The following PPP1R9A variants were observed in gnomAD, a reference collection of about 807,000 sequenced individuals.
The protein encoded by PPP1R9A is neurabin-1.
A neutral mutation model predicts 141.9 loss-of-function variants in PPP1R9A; 59 were observed. That is an observed-to-expected ratio of 0.42 (90% CI 0.34 to 0.52). The LOEUF is 0.52. Among genes scored for constraint, PPP1R9A ranks in the 20% least tolerant of loss-of-function variants. The probability of loss-of-function intolerance (pLI) is 0.10; values close to 1 mark genes in which losing one functional copy is unlikely to be tolerated. For missense variants in PPP1R9A, 1,444 were observed against 1,611.9 expected (o/e 0.90, Z 1.78); for synonymous variants, 500 against 569.7 (o/e 0.88, Z 1.74).
intron 4 of PPP1R9A, among the ~76,000 whole-genome samples, chr7:95,138,613 A>AAT (rs1449306271): frequency 6.6e-6 from 1 of 152,226 alleles, no homozygotes; most frequent in African/African-American, 2.4e-5. Context: ...AATATTTTCA[A>AAT]ATATATATAA....
intron 2 of PPP1R9A, among the ~76,000 whole-genome samples, chr7:94,982,131 A>G (rs558291050): frequency 1.3e-5 from 2 of 152,104 alleles, no homozygotes; most frequent in Non-Finnish European, 2.9e-5. Context: ...AGCTTCATCC[A>G]TGTCCCTACA....
Position 95,087,534 on chromosome 7 carries a change from A to G in PPP1R9A, c.1396-23725A>G, listed in dbSNP as rs557000963. Among the ~76,000 whole-genome samples the G allele has an allele frequency of 5.3e-5, 8 of 152,160 alleles. No homozygotes were observed. In the South Asian group the frequency reaches 1.7e-3, roughly 31 times the overall value. ...ATGGGGAAAAAGTGAAACATGATGA[A>G]ATATTGATAGTAAAAGGATAGATGT... On this transcript the variant is annotated intron_variant, in intron 2 of 19. Coordinates refer to ENST00000433360, the MANE Select transcript of PPP1R9A (RefSeq NM_001166160.2).
chr7:94,938,576 T>C (rs1212072279), intron 2 of PPP1R9A, among the ~76,000 whole-genome samples: 5 of 152,222 alleles, frequency 3.3e-5, no homozygotes, highest in African/African-American at 9.7e-5. Context: ...ATCTTTTTTT[T>C]CTGTCATCTT....
At chr7:94,997,144 C>A (rs1802300932) in intron 2 of PPP1R9A, among the ~76,000 whole-genome samples, 1 of 151,996 alleles carries the variant, frequency 6.6e-6, no homozygotes, top group Non-Finnish European at 1.5e-5. Context: ...GTTCCATTTT[C>A]TTTTATATAT....
At chr7:95,010,022 G>A (rs984873826) in intron 2 of PPP1R9A, among the ~76,000 whole-genome samples, 1 of 152,150 alleles carries the variant, frequency 6.6e-6, no homozygotes. Flanking sequence ...TTCTGGTACT[G>A]TATGTACTAT....
intron 7 of PPP1R9A, among the ~76,000 whole-genome samples, chr7:95,220,049 A>C (rs559920710): frequency 3.6e-4 from 55 of 152,268 alleles, no homozygotes; most frequent in African/African-American, 1.3e-3. Flanking sequence ...TTAAATGAAG[A>C]AGGTGCTGTT....
At chr7:94,916,604 G>A (rs1029776533) in intron 2 of PPP1R9A, among the ~76,000 whole-genome samples, 1 of 152,084 alleles carries the variant, frequency 6.6e-6, no homozygotes, top group African/African-American at 2.4e-5. Context: ...AAGGCATTTG[G>A]GTCATTAAAA....
rs772314281 is a variant in PPP1R9A at position 95,269,387 on chromosome 7, G to T, written c.3004G>T (p.Gly1002Trp). The T allele has an allele frequency of 7.6e-5, 122 of 1,597,372 alleles. No homozygotes were observed. In the East Asian group the frequency reaches 2.7e-3, roughly 36 times the overall value. Residue 1002 changes from glycine (G) to tryptophan (W), a missense_variant, in exon 14 of 20, where the codon GGG (glycine) becomes TGG (tryptophan). Gly to Trp is a radical substitution (Grantham distance 184, BLOSUM62 -2). Around this residue, in one of 5 missense-constraint regions of PPP1R9A, gnomAD observed 459 missense variants for 513.8 expected, o/e 0.89. Coordinates refer to ENST00000433360, the MANE Select transcript of PPP1R9A (RefSeq NM_001166160.2). ...FQEEPLDPEM[G>W]PLSSMWGDTS... ...AGAAGAACCACTGGACCCAGAAATG[G>T]GGCCTCTCTCCTCTATGTGGGGAGA...
chr7:94,996,061 C>T (rs760358580), intron 2 of PPP1R9A, among the ~76,000 whole-genome samples: 2 of 152,036 alleles, frequency 1.3e-5, no homozygotes, highest in African/African-American at 4.8e-5. Flanking sequence ...TTCTGAATAC[C>T]CAGTCTATTT....
intron 18 of PPP1R9A, chr7:95,287,095 T>G: frequency 1.2e-6 from 2 of 1,609,642 alleles, no homozygotes; most frequent in Non-Finnish European, 1.7e-6. Context: ...ATTCTTTTAT[T>G]GCTCCCTCAC....
chr7:94,956,455 C>T (rs1346266016), intron 2 of PPP1R9A, among the ~76,000 whole-genome samples: 1 of 152,076 alleles, frequency 6.6e-6, no homozygotes, highest in Non-Finnish European at 1.5e-5. Flanking sequence ...TATTTTCCTA[C>T]AGTACTGAAA....
intron 2 of PPP1R9A, among the ~76,000 whole-genome samples, chr7:94,992,225 A>C (rs1271493866): frequency 2.6e-5 from 4 of 152,204 alleles, no homozygotes; most frequent in African/African-American, 9.6e-5. Flanking sequence ...AGGATTGTAT[A>C]TAAATGGAAG....
At chr7:94,965,124 A>C (rs1798060959) in intron 2 of PPP1R9A, among the ~76,000 whole-genome samples, 1 of 150,646 alleles carries the variant, frequency 6.6e-6, no homozygotes, top group Non-Finnish European at 1.5e-5. Flanking sequence ...TCTTTTGAAA[A>C]GTGTCTGTTC....
chr7:95,135,523 G>T (rs1277177955), intron 4 of PPP1R9A, among the ~76,000 whole-genome samples: 2 of 151,524 alleles, frequency 1.3e-5, no homozygotes, highest in African/African-American at 4.9e-5. Context: ...CTTTATTTTT[G>T]CCCATTAAGG....
intron 5 of PPP1R9A, among the ~76,000 whole-genome samples, chr7:95,174,660 G>C (rs1031872753): frequency 1.3e-5 from 2 of 152,246 alleles, no homozygotes; most frequent in East Asian, 1.9e-4. Flanking sequence ...TGTAATCAAT[G>C]TGAATTTCAT....
At chr7:95,248,046 T>A (rs1025508242) in intron 9 of PPP1R9A, among the ~76,000 whole-genome samples, 1 of 151,328 alleles carries the variant, frequency 6.6e-6, no homozygotes, top group East Asian at 1.9e-4. Flanking sequence ...TAATTTAAAT[T>A]TGTGGGGGAG....
chr7:95,002,135 G>A lies in PPP1R9A; in HGVS notation c.1395+90627G>A, dbSNP rs530938241. On this transcript the variant is annotated intron_variant, in intron 2 of 19. Transcript: ENST00000433360. ...TTTGTGGGAGTGAAAATTACCTTTC[G>A]TACTGAAACTTACTAACCCCCAGTG... Among the ~76,000 whole-genome samples, 638 of 152,176 alleles carry A rather than the reference G, an allele frequency of 4.2e-3. 4 individuals carry two copies. Among genetic ancestry groups the A allele is most frequent in the African/African-American group, 0.015 (621 of 41,510 alleles).
At chr7:95,035,368 C>T (rs748108581) in intron 2 of PPP1R9A, among the ~76,000 whole-genome samples, 31 of 152,048 alleles carry the variant, frequency 2.0e-4, no homozygotes, top group Admixed American at 3.3e-4. Flanking sequence ...CCACATTGTA[C>T]ATAGAGCCCA....
intron 2 of PPP1R9A, among the ~76,000 whole-genome samples, chr7:94,984,934 A>G (rs1020150414): frequency 2.6e-5 from 4 of 151,978 alleles, no homozygotes; most frequent in African/African-American, 9.7e-5. Flanking sequence ...TAGGGTGTCA[A>G]TTTTTGATCT....
Sources: gnomAD v4.1 joint callset for allele counts (sites outside exome capture counted in the v4.1 genomes callset) on GRCh38, gnomAD v4.1.1 for gene constraint, gnomAD v4.1.1 regional missense constraint, MANE v1.5 for transcripts, NCBI Gene and HGNC (gene_info 2026-07-23, HGNC 2026-07-21) for gene names.